Variants in FLT4 observed in about 807,000 individuals in gnomAD.
The protein encoded by FLT4 is fms related receptor tyrosine kinase 4, also known as vascular endothelial growth factor receptor 3.
Under a neutral mutation model 163.2 loss-of-function variants are expected in FLT4, and 30 were observed. The ratio of observed to expected loss-of-function variants is 0.18; its 90% confidence interval spans 0.14 to 0.25. The LOEUF (loss-of-function observed/expected upper bound fraction) is 0.25. Among genes scored for constraint, FLT4 ranks in the 10% least tolerant of loss-of-function variants. The pLI is 1.00. For synonymous variants in FLT4, 884 were observed against 789.5 expected (o/e 1.12, Z -2.01); for missense variants, 1,510 against 1,863.8 (o/e 0.81, Z 3.50).
At position 180,622,525 on chromosome 5, in the gene FLT4, T is replaced by C. The variant is rs2242210; in HGVS notation, c.1657+206A>G. Reference sequence around the variant, plus strand: ...CATCCTTGAGGGAGGAGCCCCAGGGTTGGGGACAGAGGATGCCATTCCATC... The same window carrying C: ...CATCCTTGAGGGAGGAGCCCCAGGGCTGGGGACAGAGGATGCCATTCCATC... On this transcript the variant is annotated intron_variant, in intron 12 of 29. Transcript: ENST00000261937. Among the ~76,000 whole-genome samples the C allele has an allele frequency of 0.69, 104,476 of 152,036 alleles. 36,780 individuals are homozygous for C. The highest frequency in any genetic ancestry group is 0.76 in the Non-Finnish European group (51,926 of 67,972).
chr5:180,646,208 G>C (rs1475702337), intron 1 of FLT4, among the ~76,000 whole-genome samples: 26 of 152,050 alleles, frequency 1.7e-4, no homozygotes, highest in Admixed American at 1.7e-3. Flanking sequence ...TCCTCTCCCA[G>C]GGTCTCCCTT....
chr5:180,644,917 G>A (rs965401409), intron 1 of FLT4, among the ~76,000 whole-genome samples: 5 of 152,244 alleles, frequency 3.3e-5, no homozygotes, highest in African/African-American at 4.8e-5. Flanking sequence ...CACCTGCCCC[G>A]GAAGGCCCCT....
In FLT4 at chr5:180,603,238, C is replaced by A; in HGVS notation, c.4046G>T (p.Cys1349Phe). The A allele has an allele frequency of 6.2e-7, 1 of 1,614,174 alleles. No homozygotes were observed. Among genetic ancestry groups the A allele is most frequent in the Non-Finnish European group, 8.5e-7 (1 of 1,180,042 alleles). ...ELSEPSEEDH[C>F]SPSARVTFFT... ...GAAAGTCACGCGGGCAGACGGGGAG[C>A]AGTGGTCCTCCTCGCTTGGCTCCGA... The change falls in exon 30 of 30, where the codon TGC becomes TTC. Residue 1349 changes from cysteine (C) to phenylalanine (F), a missense_variant. Physicochemically the swap from Cys to Phe is radical, Grantham distance 205. Transcript: ENST00000261937.
rs779233938 is a variant in FLT4, at chr5:180,621,699, G to A, written c.1863C>T (p.Ala621=). The A allele has an allele frequency of 4.3e-6, 7 of 1,612,684 alleles. No individual in the cohort carries two copies. The East Asian group carries it at 1.1e-4, about 26-fold the overall frequency. The change falls in exon 13 of 30, where the codon GCC becomes GCT. Residue 621 remains alanine (A), a synonymous_variant. Transcript: ENST00000261937. Reference sequence around the variant, plus strand: ...CAGGTGCCACCTCCTCCAGGCTGGCGGCCAGAGGGGTGGCGAACAGATGCA... The same window carrying A: ...CAGGTGCCACCTCCTCCAGGCTGGCAGCCAGAGGGGTGGCGAACAGATGCA... ...KNVHLFATPL[A]ASLEEVAPGA... is the part of the protein sequence containing the mutation.
rs1246682423 is a variant in FLT4, at chr5:180,609,915, T to C, written c.3797A>G (p.Lys1266Arg). 1.2e-6 allele frequency: 2 copies of C among 1,613,720 alleles called. No homozygotes were observed. The highest frequency in any genetic ancestry group is 3.3e-5 in the Admixed American group (2 of 59,998). ...EEFPMTPTTYKGSVDNQTDSG... is the reference protein window; with the variant it reads ...EEFPMTPTTYRGSVDNQTDSG... ...CTTCATGTGAAGTACCACAGAGCCTTTGTAGGTCGTTGGGGTCATGGGGAA... is the reference window on the plus strand; with the variant it reads ...CTTCATGTGAAGTACCACAGAGCCTCTGTAGGTCGTTGGGGTCATGGGGAA... Residue 1266 changes from lysine to arginine, a missense_variant, in exon 28 of 30, where the codon AAA becomes AGA. Around this residue, in one of 5 missense-constraint regions of FLT4, gnomAD observed 295 missense variants for 311.0 expected, o/e 0.95. Coordinates refer to ENST00000261937, the MANE Select transcript of FLT4 (RefSeq NM_182925.5).
Position 180,602,862 on chromosome 5 carries a change from TG to T in FLT4, c.*329del. ...AAACAGGGACCAGGCCACCACCCAG[TG>T]TGATGAAAGGAGGTCGCCAAAGAGA... is the stretch of plus-strand genomic sequence containing the variant. On this transcript the variant is annotated 3_prime_UTR_variant, in exon 30 of 30. Coordinates refer to ENST00000261937, the MANE Select transcript of FLT4 (RefSeq NM_182925.5). 5.2e-6 allele frequency: 3 copies of T among 572,936 alleles called. No homozygotes were observed. In the South Asian group the frequency reaches 7.1e-5, roughly 14 times the overall value. 35.5% of individuals were successfully genotyped at this position (572,936 alleles called of 1,614,324 possible). A position where few individuals can be genotyped will look rare whatever the true frequency, so the allele number is the denominator to read the frequency against.
Position 180,620,141 on chromosome 5 carries a change from G to C in FLT4, c.2542+32C>G. 1 of 1,596,130 alleles carries C rather than the reference G, an allele frequency of 6.3e-7. No individual in the cohort carries two copies. The highest frequency in any genetic ancestry group is 8.5e-7 in the Non-Finnish European group (1 of 1,174,630). ...CTGCAGCAGGTGGGTCGGGCAGGAGGTGTGGGTTGGGCAGGCTGGTGCTGG... is the reference window on the plus strand; with the variant it reads ...CTGCAGCAGGTGGGTCGGGCAGGAGCTGTGGGTTGGGCAGGCTGGTGCTGG... On this transcript the variant is annotated intron_variant, in intron 17 of 29. Coordinates refer to ENST00000261937, the MANE Select transcript of FLT4 (RefSeq NM_182925.5). This position sits in a 1 kb window ranked among gnomAD's most constrained non-coding sequence, Gnocchi z 4.4.
intron 1 of FLT4, among the ~76,000 whole-genome samples, chr5:180,637,477 C>A (rs1463645562): frequency 6.6e-6 from 1 of 152,208 alleles, no homozygotes; most frequent in Admixed American, 6.5e-5. Context: ...GGTCCCCCCA[C>A]CACGGATTTC....
chr5:180,608,921 A>C, intron 29 of FLT4, 47 bp downstream of exon 29: 1 of 1,490,936 alleles, frequency 6.7e-7, no homozygotes, highest in African/African-American at 1.4e-5. Flanking sequence ...CCTCCAGGGG[A>C]GGGCAACATC....
At chr5:180,631,295 A>G (rs1764118339) in intron 2 of FLT4, among the ~76,000 whole-genome samples, 1 of 151,932 alleles carries the variant, frequency 6.6e-6, no homozygotes, top group Non-Finnish European at 1.5e-5. Context: ...AACACGGTGA[A>G]ACCCCGTCTC....
intron 1 of FLT4, among the ~76,000 whole-genome samples, chr5:180,638,082 C>T (rs1409044457): frequency 2.6e-5 from 4 of 152,168 alleles, no homozygotes; most frequent in African/African-American, 9.7e-5. Flanking sequence ...TGGGCAGCAT[C>T]TGTGACCTAC....
chr5:180,602,667 G>A lies in FLT4; in HGVS notation c.*525C>T. ...ACCCTGCAAATGCCTTCTTTGAGAT[G>A]GAAACACAGCCCCTCCCTTCAACTG... On this transcript the variant is annotated 3_prime_UTR_variant, in exon 30 of 30. Transcript: ENST00000261937. 2.4e-6 allele frequency: 1 copy of A among 412,176 alleles called. No homozygotes were observed. The allele number at this position is 412,176 out of a possible 1,614,324, so 25.5% of individuals were successfully genotyped here.
chr5:180,645,169 T>C (rs867866020), intron 1 of FLT4, among the ~76,000 whole-genome samples: 70 of 152,280 alleles, frequency 4.6e-4, no homozygotes, highest in Middle Eastern at 3.4e-3. Context: ...CAGCAGTCCC[T>C]TTGGGGCAGA....
rs2127853200 is a variant in FLT4 at position 180,636,557 on chromosome 5, C to G, written c.59-4779G>C. ...CGTAGCTCCTGGCTCACCATCCCCC[C>G]CACCCCAGCTCCTGCCCTTCTCCAT... On this transcript the variant is annotated intron_variant, in intron 1 of 29. Transcript: ENST00000261937. This position sits in a 1 kb window ranked among gnomAD's most constrained non-coding sequence, Gnocchi z 4.3. Among the ~76,000 whole-genome samples the G allele has an allele frequency of 6.7e-6, 1 of 150,362 alleles. No individual in the cohort carries two copies. The highest frequency in any genetic ancestry group is 2.1e-4 in the South Asian group (1 of 4,654).
chr5:180,637,380 C>T (rs374274067), intron 1 of FLT4, among the ~76,000 whole-genome samples: 1 of 151,854 alleles, frequency 6.6e-6, no homozygotes, highest in East Asian at 1.9e-4. Flanking sequence ...CATCTTCCTA[C>T]ATCCCAAAAC....
chr5:180,631,007 G>A lies in FLT4; in HGVS notation c.156-208C>T, dbSNP rs532891552. Reference sequence around the variant, plus strand: ...ACCAGGCTCCCGGGGCTGGCCTGTGGCCAAGCACAGGCCTTGGATCACAGC... The same window carrying A: ...ACCAGGCTCCCGGGGCTGGCCTGTGACCAAGCACAGGCCTTGGATCACAGC... On this transcript the variant is annotated intron_variant, in intron 2 of 29. Transcript: ENST00000261937. Among the ~76,000 whole-genome samples, 731 of 152,228 alleles carry A rather than the reference G, an allele frequency of 4.8e-3. 5 individuals are homozygous for A. The highest frequency in any genetic ancestry group is 0.017 in the African/African-American group (709 of 41,532).
In FLT4 at chr5:180,629,835, C is replaced by T. The variant is rs1490330207; in HGVS notation, c.677G>A (p.Gly226Asp). The T allele has an allele frequency of 6.2e-7, 1 of 1,612,598 alleles. No individual in the cohort carries two copies. Among genetic ancestry groups the T allele is most frequent in the South Asian group, 1.1e-5 (1 of 91,004 alleles). ...LSNPFLVHITGNELYDIQLLP... is the reference protein window; with the variant it reads ...LSNPFLVHITDNELYDIQLLP... ...CAGCTGGATGTCATAGAGCTCGTTGCCTGTTGACACGCACACAGTGACTCC... is the reference window on the plus strand; with the variant it reads ...CAGCTGGATGTCATAGAGCTCGTTGTCTGTTGACACGCACACAGTGACTCC... The change falls in exon 6 of 30, where the codon GGC becomes GAC. Residue 226 changes from glycine to aspartate, a missense_variant and splice_region_variant. By Grantham distance (94) the Gly-to-Asp change is moderately conservative. Around this residue, in one of 5 missense-constraint regions of FLT4, gnomAD observed 163 missense variants for 281.1 expected, o/e 0.58. Coordinates refer to ENST00000261937, the MANE Select transcript of FLT4 (RefSeq NM_182925.5).
In FLT4 at chr5:180,619,293, G is replaced by T; in HGVS notation, c.2721C>A (p.Leu907=). ...LKILIHIGNH[L]NVVNLLGACT... ...ACGCCCCGAGGAGGTTGACCACGTT[G>T]AGGTGGTTGCCGATGTGAATGAGGA... Residue 907 remains leucine (L), a synonymous_variant, in exon 19 of 30, where the codon CTC becomes CTA. Coordinates refer to ENST00000261937, the MANE Select transcript of FLT4 (RefSeq NM_182925.5). 6.2e-7 allele frequency: 1 copy of T among 1,611,132 alleles called. No homozygotes were observed. The highest frequency in any genetic ancestry group is 8.5e-7 in the Non-Finnish European group (1 of 1,179,408).
At chr5:180,624,085 G>C (rs2127823363) in intron 10 of FLT4, 24 bp from the exon 11 acceptor site, 3 of 1,608,930 alleles carry the variant, frequency 1.9e-6, no homozygotes, top group Non-Finnish European at 1.7e-6. Flanking sequence ...AAGAGGCAAG[G>C]GCAGGTCAGG....
Sources: gnomAD v4.1 joint callset for allele counts (sites outside exome capture counted in the v4.1 genomes callset) on GRCh38, gnomAD v4.1.1 for gene constraint, gnomAD v4.1.1 regional missense constraint, Gnocchi (gnomAD v3.1) non-coding constraint, MANE v1.5 for transcripts, NCBI Gene and HGNC (gene_info 2026-07-23, HGNC 2026-07-21) for gene names.